The following KCNIP4 variants were observed in gnomAD, a reference collection of about 807,000 sequenced individuals.
The protein encoded by KCNIP4 is Kv channel-interacting protein 4.
A neutral mutation model predicts 34.0 loss-of-function variants in KCNIP4; 12 were observed. The observed-to-expected ratio is 0.35, with a 90% CI of 0.23 to 0.57. The LOEUF (loss-of-function observed/expected upper bound fraction) is 0.57, where lower values mean the gene tolerates loss of function less well. Among genes scored for constraint, KCNIP4 ranks in the 20% least tolerant of loss-of-function variants. The pLI is 0.83. For missense variants in KCNIP4, 238 were observed against 311.7 expected, an observed-to-expected ratio of 0.76 and a Z score of 1.78; for synonymous variants, 124 against 102.2, an observed-to-expected ratio of 1.21 and a Z score of -1.29.
intron 1 of KCNIP4, among the ~76,000 whole-genome samples, chr4:20,915,524 G>T (rs1464025343): frequency 6.6e-6 from 1 of 152,056 alleles, no homozygotes; most frequent in Non-Finnish European, 1.5e-5. Flanking sequence ...GCAAAATAAA[G>T]AAAATGCCTA....
intron 3 of KCNIP4, among the ~76,000 whole-genome samples, chr4:20,849,988 G>A (rs1720828253): frequency 6.6e-6 from 1 of 152,130 alleles, no homozygotes; most frequent in South Asian, 2.1e-4. Context: ...GGGTTTTCTG[G>A]GCTCTCATTC....
In KCNIP4 at chr4:20,729,377, A is replaced by G. The variant is rs559515201; in HGVS notation, c.*705T>C. On this transcript the variant is annotated 3_prime_UTR_variant, in exon 9 of 9. Coordinates refer to ENST00000382152, the MANE Select transcript of KCNIP4 (RefSeq NM_025221.6). ...GTAAGAAAGATTGAACAAATCCAAA[A>G]TTATTATATAGGCCTTGGCTGTAAC... The G allele has an allele frequency of 6.6e-6, 1 of 151,858 alleles. No individual in the cohort carries two copies. Among genetic ancestry groups the G allele is most frequent in the African/African-American group, 2.4e-5 (1 of 41,466 alleles). The allele number at this position is 151,858 out of a possible 1,614,324, so 9.4% of individuals were successfully genotyped here. A position where few individuals can be genotyped will look rare whatever the true frequency, so the allele number is the denominator to read the frequency against.
At chr4:21,583,466 A>G (rs1741388657) in intron 1 of KCNIP4, among the ~76,000 whole-genome samples, 1 of 152,020 alleles carries the variant, frequency 6.6e-6, no homozygotes, top group South Asian at 2.1e-4. Context: ...TAAGTGCTCA[A>G]TAAATGGTAG....
chr4:20,853,322 T>C lies in KCNIP4; in HGVS notation c.164-2655A>G, dbSNP rs564375843. 8.8e-4 allele frequency among the ~76,000 whole-genome samples: 61 copies of C among 69,400 alleles called. No individual in the cohort carries two copies. In the East Asian group the frequency reaches 0.03, roughly 34 times the overall value. 45.5% of individuals were successfully genotyped at this position (69,400 alleles called of 152,430 possible). On this transcript the variant is annotated intron_variant, in intron 2 of 8. Transcript: ENST00000382152. ...AGACCAGTGGAACAGAATAGATAAT[T>C]TGGAAATAAACCCAAATACTTACAG...
chr4:20,889,971 G>C lies in KCNIP4; in HGVS notation c.62-7262C>G, dbSNP rs141355109. Among the ~76,000 whole-genome samples, 15 of 152,134 alleles carry C rather than the reference G, an allele frequency of 9.9e-5. No individual in the cohort carries two copies. In the East Asian group the frequency reaches 2.9e-3, roughly 29 times the overall value. On this transcript the variant is annotated intron_variant, in intron 1 of 8. Transcript: ENST00000382152. ...ACATATTATAAGCATTATAAATGAT[G>C]TTCTTTGTAGAACTGTAAATATACA...
intron 1 of KCNIP4, among the ~76,000 whole-genome samples, chr4:21,403,708 TC>T (rs1276265383): frequency 2.0e-5 from 3 of 152,140 alleles, no homozygotes; most frequent in African/African-American, 7.2e-5. Context: ...TTCTCACATT[TC>T]TAGAGGCCAG....
intron 3 of KCNIP4, among the ~76,000 whole-genome samples, chr4:20,817,194 C>A (rs1716509571): frequency 1.3e-5 from 2 of 152,166 alleles, no homozygotes; most frequent in Admixed American, 1.3e-4. Context: ...TTTAGTAATT[C>A]TTGATGCAGA....
intron 1 of KCNIP4, among the ~76,000 whole-genome samples, chr4:20,971,672 G>T (rs1216276680): frequency 6.6e-6 from 1 of 152,190 alleles, no homozygotes; most frequent in East Asian, 1.9e-4. Context: ...TTTGCTGGTA[G>T]AACTGGCCTT....
chr4:20,984,227 G>A (rs898489722), intron 1 of KCNIP4, among the ~76,000 whole-genome samples: 4 of 152,366 alleles, frequency 2.6e-5, no homozygotes, highest in African/African-American at 7.2e-5. Flanking sequence ...CTTCAGAGCT[G>A]CGAGGGAAAC....
intron 1 of KCNIP4, among the ~76,000 whole-genome samples, chr4:21,103,733 C>G (rs562790192): frequency 3.9e-5 from 5 of 127,738 alleles, no homozygotes; most frequent in Non-Finnish European, 8.2e-5. Context: ...ATCCCTCCCC[C>G]CTCCCCCCAC....
At chr4:21,037,542 C>A (rs1741558317) in intron 1 of KCNIP4, among the ~76,000 whole-genome samples, 1 of 152,124 alleles carries the variant, frequency 6.6e-6, no homozygotes, top group African/African-American at 2.4e-5. Flanking sequence ...TAGGCTACAC[C>A]CTCTAGGTTT....
chr4:21,210,393 T>C (rs1757136745), intron 1 of KCNIP4, among the ~76,000 whole-genome samples: 1 of 152,142 alleles, frequency 6.6e-6, no homozygotes, highest in Non-Finnish European at 1.5e-5. Flanking sequence ...AGCATGCTGA[T>C]TAAAAATAAG....
At chr4:21,234,430 ATATAACG>A (rs1759173075) in intron 1 of KCNIP4, among the ~76,000 whole-genome samples, 1 of 103,824 alleles carries the variant, frequency 9.6e-6, no homozygotes. Context: ...TATATATTAC[ATATAACG>A]TATATAATAT....
intron 1 of KCNIP4, among the ~76,000 whole-genome samples, chr4:21,678,774 A>G (rs1750115980): frequency 6.6e-6 from 1 of 152,142 alleles, no homozygotes; most frequent in African/African-American, 2.4e-5. Context: ...TGACTACTCT[A>G]TTTAAATTTC....
chr4:21,112,861 T>C (rs989102861), intron 1 of KCNIP4, among the ~76,000 whole-genome samples: 3 of 152,140 alleles, frequency 2.0e-5, no homozygotes, highest in Non-Finnish European at 2.9e-5. Flanking sequence ...TTTTTCCCTT[T>C]TTTTTTTCTC....
intron 1 of KCNIP4, among the ~76,000 whole-genome samples, chr4:21,253,901 T>C (rs1760886893): frequency 6.6e-6 from 1 of 152,122 alleles, no homozygotes; most frequent in African/African-American, 2.4e-5. Flanking sequence ...TGCTACAACA[T>C]GGATGGACCT....
intron 1 of KCNIP4, among the ~76,000 whole-genome samples, chr4:21,004,029 T>C (rs1189423754): frequency 6.6e-6 from 1 of 152,168 alleles, no homozygotes; most frequent in Non-Finnish European, 1.5e-5. Context: ...TCCCAAGGCA[T>C]TTGATGTTCA....
At chr4:21,396,459 G>A (rs1723006498) in intron 1 of KCNIP4, among the ~76,000 whole-genome samples, 1 of 148,862 alleles carries the variant, frequency 6.7e-6, no homozygotes, top group South Asian at 2.1e-4. Context: ...AGGAGGCTGA[G>A]GCAGGAGAGT....
intron 4 of KCNIP4, among the ~76,000 whole-genome samples, chr4:20,755,623 G>A (rs1754344500): frequency 6.6e-6 from 1 of 152,146 alleles, no homozygotes; most frequent in South Asian, 2.1e-4. Context: ...ATATATTATT[G>A]GATTGTCTCG....
Sources: allele counts gnomAD v4.1 joint callset (sites outside exome capture counted in the v4.1 genomes callset), GRCh38; gene constraint gnomAD v4.1.1; transcripts MANE v1.5; gene names NCBI Gene and HGNC (gene_info 2026-07-23, HGNC 2026-07-21).